Variants in TUNAR observed in about 807,000 individuals in gnomAD.
TUNAR encodes protein TUNAR.
intron 2 of TUNAR, among the ~76,000 whole-genome samples, chr14:95,919,211 G>A (rs1482146124): frequency 1.3e-5 from 2 of 152,178 alleles, no homozygotes; most frequent in East Asian, 3.9e-4. Flanking sequence ...CTAGCAAACA[G>A]ACACAACCAC....
At chr14:95,876,770 C>G (rs1229417016) in intron 1 of TUNAR, 62 bp from the exon 1 acceptor site, 1 of 152,238 alleles carries the variant, frequency 6.6e-6, no homozygotes, top group South Asian at 2.1e-4. Flanking sequence ...TGGGGCAGCG[C>G]GGTGCTGCTG....
chr14:95,921,231 C>T (rs1222640923), intron 2 of TUNAR, among the ~76,000 whole-genome samples: 10 of 152,212 alleles, frequency 6.6e-5, no homozygotes, highest in Non-Finnish European at 1.3e-4. Context: ...CCCAGAATAA[C>T]GCATGACCAG....
At chr14:95,881,355 C>T (rs1888974778) in intron 2 of TUNAR, among the ~76,000 whole-genome samples, 2 of 152,346 alleles carry the variant, frequency 1.3e-5, no homozygotes, top group Middle Eastern at 3.4e-3. Flanking sequence ...CTGGGTCCCA[C>T]ATTCATCCCC....
intron 2 of TUNAR, among the ~76,000 whole-genome samples, chr14:95,909,572 C>T (rs1008658529): frequency 1.2e-4 from 18 of 152,194 alleles, no homozygotes; most frequent in South Asian, 6.2e-4. Flanking sequence ...CGTGAGCCAC[C>T]GTGCCCGGCC....
chr14:95,894,467 G>A (rs1264869266), intron 2 of TUNAR, among the ~76,000 whole-genome samples: 6 of 152,146 alleles, frequency 3.9e-5, no homozygotes, highest in African/African-American at 1.4e-4. Context: ...GGAGGAGGGC[G>A]GGGAGGGAGA....
rs1295302791 is a variant in TUNAR, at chr14:95,895,549, T to C, written c.12+18372T>C. Among the ~76,000 whole-genome samples, 1 of 152,026 alleles carries C rather than the reference T, an allele frequency of 6.6e-6. No individual in the cohort carries two copies. The highest frequency in any genetic ancestry group is 1.5e-5 in the Non-Finnish European group (1 of 67,996). On this transcript the variant is annotated intron_variant, in intron 2 of 2. Transcript: ENST00000678517. The surrounding 1 kb of genome is among the most constrained non-coding windows in gnomAD (Gnocchi z 4.5). ...GTTAGCATCTGTTTTACAAGGGAGT[T>C]CCCGACGCATCCTCCAGGATCATGG...
intron 2 of TUNAR, among the ~76,000 whole-genome samples, chr14:95,901,761 A>G (rs1595120856): frequency 6.6e-6 from 1 of 152,256 alleles, no homozygotes; most frequent in Non-Finnish European, 1.5e-5. Flanking sequence ...AAATGAAAAA[A>G]TAACATACTT....
chr14:95,876,676 G>C (rs1387150705), intron 1 of TUNAR, 156 bp from the exon 1 acceptor site: 3 of 152,314 alleles, frequency 2.0e-5, no homozygotes, highest in Non-Finnish European at 4.4e-5. Context: ...CGGCCACCGT[G>C]GCCGCCGGAC....
At chr14:95,891,828 G>A (rs528082014) in intron 2 of TUNAR, among the ~76,000 whole-genome samples, 3 of 152,356 alleles carry the variant, frequency 2.0e-5, no homozygotes, top group Non-Finnish European at 2.9e-5. Flanking sequence ...GTGCTCCATC[G>A]GAAGGCTCCA....
chr14:95,910,324 C>G (rs1173937274), intron 2 of TUNAR, among the ~76,000 whole-genome samples: 1 of 152,192 alleles, frequency 6.6e-6, no homozygotes, highest in Non-Finnish European at 1.5e-5. Flanking sequence ...CCAGCCTGGG[C>G]AGCAGAGTGA....
chr14:95,911,325 ACCT>A (rs1889510109), intron 2 of TUNAR, among the ~76,000 whole-genome samples: 1 of 151,978 alleles, frequency 6.6e-6, no homozygotes, highest in Non-Finnish European at 1.5e-5. Flanking sequence ...CTCAGCTCAG[ACCT>A]CCTATCTTGT....
intron 2 of TUNAR, among the ~76,000 whole-genome samples, chr14:95,897,846 G>C (rs1889290009): frequency 1.3e-5 from 2 of 152,134 alleles, no homozygotes; most frequent in South Asian, 2.1e-4. Context: ...TGGGATTTCT[G>C]GTTGCCTTTC....
chr14:95,897,664 C>A (rs1889288326), intron 2 of TUNAR, among the ~76,000 whole-genome samples: 1 of 152,142 alleles, frequency 6.6e-6, no homozygotes, highest in Admixed American at 6.5e-5. Context: ...CTGGGATGAC[C>A]TTTTCTTCTC....
At chr14:95,914,599 G>C (rs1375268339) in intron 2 of TUNAR, among the ~76,000 whole-genome samples, 1 of 152,136 alleles carries the variant, frequency 6.6e-6, no homozygotes, top group African/African-American at 2.4e-5. Flanking sequence ...GGACAAGTAG[G>C]GAACAGAAGG....
At chr14:95,916,470 C>T (rs536522037) in intron 2 of TUNAR, among the ~76,000 whole-genome samples, 2 of 152,268 alleles carry the variant, frequency 1.3e-5, no homozygotes, top group East Asian at 3.9e-4. Context: ...ATTTTTTCCT[C>T]GACGCTGTGT....
At position 95,922,086 on chromosome 14, in the gene TUNAR, C is replaced by T. The variant is rs1357496838; in HGVS notation, c.13-695C>T. On this transcript the variant is annotated intron_variant, in intron 2 of 2. Transcript: ENST00000678517. ...CAGGTGCACAGAAGTGAGGCCTTCT[C>T]TAGGGTATAACCTGGCAGAGCAGGT... Among the ~76,000 whole-genome samples the T allele has an allele frequency of 3.3e-5, 5 of 152,210 alleles. 1 individual carries two copies. In the East Asian group the frequency reaches 9.6e-4, roughly 29 times the overall value.
intron 2 of TUNAR, among the ~76,000 whole-genome samples, chr14:95,917,693 T>C (rs953214891): frequency 3.3e-5 from 5 of 152,248 alleles, no homozygotes; most frequent in African/African-American, 1.2e-4. Flanking sequence ...AGTTTTACAG[T>C]ATTCTTCATC....
chr14:95,918,290 A>G lies in TUNAR; in HGVS notation c.13-4491A>G, dbSNP rs1268859496. 9.2e-5 allele frequency among the ~76,000 whole-genome samples: 14 copies of G among 152,296 alleles called. No individual in the cohort carries two copies. The East Asian group carries it at 2.7e-3, about 29-fold the overall frequency. On this transcript the variant is annotated intron_variant, in intron 2 of 2. Coordinates refer to ENST00000678517, the Ensembl canonical transcript of TUNAR. The stretch of plus-strand genomic sequence containing the variant: ...CCCGTTACACTCTCTAATCCATTTT[A>G]AAATGTGCTGTTATTATTATACTTG...
At chr14:95,882,750 G>A (rs1020533944) in intron 2 of TUNAR, among the ~76,000 whole-genome samples, 3 of 152,082 alleles carry the variant, frequency 2.0e-5, no homozygotes, top group African/African-American at 7.2e-5. Flanking sequence ...AATGCCCAGG[G>A]CATTTTTCCC....
Sources: gnomAD v4.1 joint callset for allele counts (sites outside exome capture counted in the v4.1 genomes callset) on GRCh38, gnomAD v4.1.1 for gene constraint, Gnocchi (gnomAD v3.1) non-coding constraint, MANE v1.5 for transcripts, NCBI Gene and HGNC (gene_info 2026-07-23, HGNC 2026-07-21) for gene names.